THTPA: variants seen among roughly 807,000 people sequenced by gnomAD.
THTPA encodes the protein thiamine triphosphatase.
THTPA carries 16 observed loss-of-function variants against 16.5 expected under a neutral mutation model. The ratio of observed to expected loss-of-function variants is 0.97; its 90% CI spans 0.66 to 1.47. The LOEUF is 1.47. THTPA is among the 40% of genes most tolerant of loss of function. The pLI is 0.00. For missense variants in THTPA, 281 were observed against 280.9 expected (o/e 1.00, Z 0.00); for synonymous variants, 110 against 115.5 (o/e 0.95, Z 0.30).
At chr14:23,530,993 A>C in the THTPA span, 1 of 162,756 alleles carries the variant, frequency 6.1e-6, no homozygotes, top group Non-Finnish European at 1.3e-5. Flanking sequence ...GGGTGACTCT[A>C]AGCCCAGCCT....
At chr14:23,527,889 C>T in the THTPA span, 13 of 1,162,356 alleles carry the variant, frequency 1.1e-5, no homozygotes, top group Non-Finnish European at 1.6e-5. Context: ...CAGCACTGGC[C>T]CGCCCCCACT....
the THTPA span, among the ~76,000 whole-genome samples, chr14:23,529,207 G>A: frequency 6.6e-6 from 1 of 152,170 alleles, no homozygotes; most frequent in African/African-American, 2.4e-5. Flanking sequence ...TGAGTCCTGG[G>A]GATTTAGAGA....
At chr14:23,537,421 CCT>C in the THTPA span, among the ~76,000 whole-genome samples, 13 of 152,126 alleles carry the variant, frequency 8.5e-5, no homozygotes, top group African/African-American at 2.9e-4. Context: ...AGGGGCGTGG[CCT>C]CTCTTTTCCT....
chr14:23,517,731 G>A, the THTPA span, among the ~76,000 whole-genome samples: 2 of 152,078 alleles, frequency 1.3e-5, no homozygotes, highest in African/African-American at 4.8e-5. Flanking sequence ...CTGCGAGGAG[G>A]GGAGTGGACC....
At position 23,559,504 on chromosome 14, in the gene THTPA, T is replaced by C; in HGVS notation, c.*664T>C. On this transcript the variant is annotated 3_prime_UTR_variant, in exon 2 of 2. Coordinates refer to ENST00000288014, the MANE Select transcript of THTPA (RefSeq NM_024328.6). ...CTCAGGGGAAGATGCATACCTCCTA[T>C]GTAAGAATGCTCTTCCCTTGCTGTT... The C allele has an allele frequency of 2.0e-6, 1 of 491,208 alleles. No homozygotes were observed. The highest frequency in any genetic ancestry group is 2.1e-5 in the South Asian group (1 of 47,728). The allele number at this position is 491,208 out of a possible 1,614,324, so 30.4% of individuals were successfully genotyped here. A position where few individuals can be genotyped will look rare whatever the true frequency, so the allele number is the denominator to read the frequency against.
the THTPA span, among the ~76,000 whole-genome samples, chr14:23,537,657 A>C: frequency 6.6e-6 from 1 of 152,084 alleles, no homozygotes; most frequent in Non-Finnish European, 1.5e-5. Context: ...AGGTCGGGGG[A>C]GTTGGAGAAC....
the THTPA span, chr14:23,543,088 C>T: frequency 1.3e-5 from 2 of 152,200 alleles, no homozygotes. Flanking sequence ...ATTCTGTGAA[C>T]CTGTGTGATG....
chr14:23,552,433 C>G (rs1353025770), upstream of THTPA, among the ~76,000 whole-genome samples: 1 of 151,242 alleles, frequency 6.6e-6, no homozygotes, highest in African/African-American at 2.4e-5. Context: ...GCTGGGATTA[C>G]AGGCATGCAT....
chr14:23,525,159 G>A, the THTPA span: 52 of 1,536,022 alleles, frequency 3.4e-5, no homozygotes, highest in Non-Finnish European at 4.2e-5. The surrounding 1 kb of genome is among the most constrained non-coding windows in gnomAD (Gnocchi z 5.9). Flanking sequence ...GAGAACCGGC[G>A]GCCGGCAGGC....
At chr14:23,523,612 C>T in the THTPA span, 1 of 1,557,184 alleles carries the variant, frequency 6.4e-7, no homozygotes, top group South Asian at 1.2e-5. The surrounding 1 kb of genome is among the most constrained non-coding windows in gnomAD (Gnocchi z 4.1). Context: ...GGAACCAGAC[C>T]TGGATGACTC....
At chr14:23,540,586 AT>A in the THTPA span, among the ~76,000 whole-genome samples, 5 of 152,170 alleles carry the variant, frequency 3.3e-5, no homozygotes, top group Admixed American at 6.5e-5. Context: ...GATGAGCTCT[AT>A]TTTTTAGGGC....
At chr14:23,527,857 C>T in the THTPA span, 2 of 1,465,824 alleles carry the variant, frequency 1.4e-6, no homozygotes, top group Non-Finnish European at 1.8e-6. Context: ...ATGGGACCCA[C>T]CATCACATAG....
the THTPA span, chr14:23,521,869 G>T: frequency 2.0e-6 from 3 of 1,500,370 alleles, no homozygotes; most frequent in Non-Finnish European, 1.8e-6. Flanking sequence ...GGGCCAGGGG[G>T]TGGGGTGAGG....
At chr14:23,522,136 G>A in the THTPA span, 2 of 1,525,932 alleles carry the variant, frequency 1.3e-6, no homozygotes, top group South Asian at 2.4e-5. Flanking sequence ...GGGCCGAGGA[G>A]CGCAGGTGGG....
chr14:23,526,865 T>G, the THTPA span: 1 of 1,532,586 alleles, frequency 6.5e-7, no homozygotes, highest in East Asian at 2.4e-5. Context: ...TGGTCTCTGC[T>G]CGGTGTAGGC....
At chr14:23,522,249 G>T in the THTPA span, 10 of 1,480,306 alleles carry the variant, frequency 6.8e-6, no homozygotes, top group Non-Finnish European at 9.0e-6. Context: ...CCAGAGCCCC[G>T]CCCAAAGAAG....
At chr14:23,524,215 C>T in the THTPA span, 1 of 1,536,506 alleles carries the variant, frequency 6.5e-7, no homozygotes, top group Non-Finnish European at 8.7e-7. This position sits in a 1 kb window ranked among gnomAD's most constrained non-coding sequence, Gnocchi z 5.6. Context: ...TCTCCCGGGC[C>T]CTGGTATTCT....
chr14:23,518,168 G>A, the THTPA span, among the ~76,000 whole-genome samples: 1 of 152,140 alleles, frequency 6.6e-6, no homozygotes, highest in South Asian at 2.1e-4. This position sits in a 1 kb window ranked among gnomAD's most constrained non-coding sequence, Gnocchi z 4.5. Context: ...GGGTGTGTTT[G>A]TTTGTTTCAC....
At chr14:23,520,671 G>A in the THTPA span, among the ~76,000 whole-genome samples, 2 of 152,034 alleles carry the variant, frequency 1.3e-5, no homozygotes, top group South Asian at 2.1e-4. This position sits in a 1 kb window ranked among gnomAD's most constrained non-coding sequence, Gnocchi z 8.7. Context: ...TCCCACCTTG[G>A]AGGCTGCGCA....
Sources: allele counts gnomAD v4.1 joint callset (sites outside exome capture counted in the v4.1 genomes callset), GRCh38; gene constraint gnomAD v4.1.1; non-coding constraint Gnocchi (gnomAD v3.1); transcripts MANE v1.5; gene names NCBI Gene and HGNC (gene_info 2026-07-23, HGNC 2026-07-21).